RANBP2: variants seen among roughly 807,000 people sequenced by gnomAD.
RANBP2 encodes the protein RAN binding protein 2, also known as E3 SUMO-protein ligase RanBP2.
Under a neutral mutation model 303.6 loss-of-function variants are expected in RANBP2, and 57 were observed. That is an observed-to-expected ratio of 0.19 (90% CI 0.15 to 0.23). The LOEUF is 0.23. RANBP2 is among the 10% of genes least tolerant of loss of function. RANBP2 has a pLI of 1.00. For synonymous variants in RANBP2, 1,167 were observed against 1,301.5 expected, an observed-to-expected ratio of 0.90 and a Z score of 2.23; for missense variants, 3,138 against 3,780.8, an observed-to-expected ratio of 0.83 and a Z score of 4.46.
chr2:108,798,952 A>C, the RANBP2 span, among the ~76,000 whole-genome samples: 1 of 152,108 alleles, frequency 6.6e-6, no homozygotes, highest in African/African-American at 2.4e-5. Context: ...TCTCCAGACC[A>C]TTAGCGCATA....
At chr2:109,291,268 A>T in the RANBP2 span, among the ~76,000 whole-genome samples, 1 of 150,688 alleles carries the variant, frequency 6.6e-6, no homozygotes, top group African/African-American at 2.4e-5. Flanking sequence ...AGAAAAAGAA[A>T]CAGAGTAATC....
chr2:109,173,712 G>A, the RANBP2 span, among the ~76,000 whole-genome samples: 3 of 152,174 alleles, frequency 2.0e-5, no homozygotes, highest in Admixed American at 6.5e-5. Flanking sequence ...TGGGAAATCC[G>A]CTGTCTGGAG....
At chr2:109,581,063 G>A in the RANBP2 span, among the ~76,000 whole-genome samples, 3 of 152,156 alleles carry the variant, frequency 2.0e-5, no homozygotes, top group Non-Finnish European at 4.4e-5. Flanking sequence ...CCATGACTAC[G>A]GCCATTTCCT....
chr2:109,524,681 G>A, the RANBP2 span, among the ~76,000 whole-genome samples: 1 of 151,936 alleles, frequency 6.6e-6, no homozygotes, highest in Admixed American at 6.6e-5. Context: ...GGAGGCAGAG[G>A]TTGCAGTGAG....
At chr2:109,513,803 G>T in the RANBP2 span, among the ~76,000 whole-genome samples, 1 of 152,196 alleles carries the variant, frequency 6.6e-6, no homozygotes, top group Admixed American at 6.5e-5. Context: ...GTGGCCAGGG[G>T]TGTAGGGGAT....
the RANBP2 span, among the ~76,000 whole-genome samples, chr2:108,845,682 C>T: frequency 4.6e-5 from 7 of 151,394 alleles, no homozygotes; most frequent in African/African-American, 1.7e-4. Context: ...CACCATTCTC[C>T]TGTCTCAGCC....
chr2:109,477,300 T>C, the RANBP2 span, among the ~76,000 whole-genome samples: 1 of 152,174 alleles, frequency 6.6e-6, no homozygotes, highest in Non-Finnish European at 1.5e-5. Context: ...GGCACAGCCT[T>C]CACGCCCAAA....
chr2:108,983,437 T>C, the RANBP2 span, among the ~76,000 whole-genome samples: 5 of 152,154 alleles, frequency 3.3e-5, no homozygotes, highest in Admixed American at 1.3e-4. Context: ...TAAAACCACA[T>C]CTAACTGGGT....
chr2:109,350,534 G>A, the RANBP2 span, among the ~76,000 whole-genome samples: 9 of 152,136 alleles, frequency 5.9e-5, no homozygotes, highest in Admixed American at 5.2e-4. Flanking sequence ...GGGCGAGGTC[G>A]GGCAGAGATT....
At chr2:108,907,204 T>TTG in the RANBP2 span, among the ~76,000 whole-genome samples, 58 of 152,036 alleles carry the variant, frequency 3.8e-4, 1 homozygote, top group African/African-American at 1.2e-3. Flanking sequence ...AAGAAAAACG[T>TTG]TGTGTGTGTG....
chr2:109,484,554 G>A, the RANBP2 span, among the ~76,000 whole-genome samples: 2 of 152,012 alleles, frequency 1.3e-5, no homozygotes, highest in African/African-American at 2.4e-5. Context: ...GCCCCCTCCT[G>A]TGGAGTTACC....
At chr2:109,538,771 A>G in the RANBP2 span, among the ~76,000 whole-genome samples, 1 of 152,162 alleles carries the variant, frequency 6.6e-6, no homozygotes, top group African/African-American at 2.4e-5. Flanking sequence ...CCACCCCCTC[A>G]GATTCCCAAA....
In RANBP2 at chr2:108,767,269, C is replaced by T. The variant is rs752156561; in HGVS notation, c.6730C>T (p.His2244Tyr). The change falls in exon 20 of 29, where the codon CAT becomes TAT. Residue 2244 changes from histidine (H) to tyrosine (Y), a missense_variant. By Grantham distance (83) the His-to-Tyr change is moderately conservative. Around this residue, in one of 20 missense-constraint regions of RANBP2, gnomAD observed 72 missense variants for 86.8 expected, o/e 0.83. Coordinates refer to ENST00000283195, the MANE Select transcript of RANBP2 (RefSeq NM_006267.5). ...TGATAGTGTCAGTAGTAGCTCAGTA[C>T]ATGCTTCTCCATTGGCAAGTAGCCC... ...LDDSVSSSSV[H>Y]ASPLASSPVR... is the part of the protein sequence containing the mutation. The T allele has an allele frequency of 1.9e-6, 3 of 1,612,054 alleles. No individual in the cohort carries two copies.
At chr2:109,172,994 C>G in the RANBP2 span, among the ~76,000 whole-genome samples, 1 of 152,236 alleles carries the variant, frequency 6.6e-6, no homozygotes, top group Non-Finnish European at 1.5e-5. Flanking sequence ...CTTGTCTTCA[C>G]GCAGATGTCA....
At chr2:109,146,733 A>G in the RANBP2 span, among the ~76,000 whole-genome samples, 2 of 151,934 alleles carry the variant, frequency 1.3e-5, no homozygotes, top group Admixed American at 6.6e-5. Flanking sequence ...TCTACATCTG[A>G]GTATCTTTTT....
In RANBP2 at chr2:108,740,362, G is replaced by C. The variant is rs898997922; in HGVS notation, c.783-127G>C. ...TCATAATTTATAACATGGGGAATAA[G>C]AATTATTAGTTGAATGTGGAAGATG... is the stretch of plus-strand genomic sequence containing the variant. On this transcript the variant is annotated intron_variant, in intron 6 of 28. Coordinates refer to ENST00000283195, the MANE Select transcript of RANBP2 (RefSeq NM_006267.5). The C allele has an allele frequency of 5.6e-6, 8 of 1,428,566 alleles. No individual in the cohort carries two copies. The African/African-American group carries it at 9.9e-5, about 18-fold the overall frequency. The allele number at this position is 1,428,566 out of a possible 1,614,324, so 88.5% of individuals were successfully genotyped here.
chr2:109,675,577 G>C, the RANBP2 span, among the ~76,000 whole-genome samples: 1 of 152,170 alleles, frequency 6.6e-6, no homozygotes. Context: ...AGCTACTTGG[G>C]AGGCTGAGGC....
the RANBP2 span, among the ~76,000 whole-genome samples, chr2:108,828,359 C>T: frequency 2.0e-5 from 3 of 151,944 alleles, no homozygotes; most frequent in African/African-American, 7.3e-5. Flanking sequence ...ACTACTTATC[C>T]TAAAATTGAT....
chr2:109,184,415 G>A, the RANBP2 span, among the ~76,000 whole-genome samples: 13 of 152,250 alleles, frequency 8.5e-5, no homozygotes, highest in African/African-American at 3.1e-4. Context: ...AAGCAGATAT[G>A]TCAGATGTGG....
Sources: gnomAD v4.1 joint callset for allele counts (sites outside exome capture counted in the v4.1 genomes callset) on GRCh38, gnomAD v4.1.1 for gene constraint, gnomAD v4.1.1 regional missense constraint, MANE v1.5 for transcripts, NCBI Gene and HGNC (gene_info 2026-07-23, HGNC 2026-07-21) for gene names.